DNAH11: variants seen among roughly 807,000 people sequenced by gnomAD.
The protein encoded by DNAH11 is dynein axonemal heavy chain 11, also known as axonemal beta dynein heavy chain 11.
In DNAH11, 442 loss-of-function variants were observed where a neutral mutation model predicts 526.0. The ratio of observed to expected loss-of-function variants is 0.84; its 90% CI spans 0.78 to 0.91. The LOEUF (loss-of-function observed/expected upper bound fraction) is 0.91. DNAH11 is among the 40% of genes least tolerant of loss of function. The pLI is 0.00. For synonymous variants in DNAH11, 2,461 were observed against 1,935.9 expected (o/e 1.27, Z -7.12); for missense variants, 6,989 against 5,448.7 (o/e 1.28, Z -8.90).
At chr7:21,677,978 T>A (rs1318497001) in intron 30 of DNAH11, among the ~76,000 whole-genome samples, 3 of 152,190 alleles carry the variant, frequency 2.0e-5, no homozygotes, top group Non-Finnish European at 4.4e-5. Context: ...TAATTCCTTA[T>A]CAGATATATT....
At chr7:21,741,249 A>G (rs1274302966) in intron 48 of DNAH11, among the ~76,000 whole-genome samples, 1 of 152,122 alleles carries the variant, frequency 6.6e-6, no homozygotes, top group Non-Finnish European at 1.5e-5. Flanking sequence ...TATGCATTTA[A>G]GATTTCTCCA....
At chr7:21,615,870 T>C (rs1295623397) in intron 21 of DNAH11, among the ~76,000 whole-genome samples, 1 of 152,172 alleles carries the variant, frequency 6.6e-6, no homozygotes, top group African/African-American at 2.4e-5. Flanking sequence ...TGAAAGCTTA[T>C]TTAGTTACAT....
chr7:21,799,004 G>C (rs1309910139), intron 61 of DNAH11, among the ~76,000 whole-genome samples: 3 of 151,830 alleles, frequency 2.0e-5, no homozygotes, highest in African/African-American at 7.3e-5. Context: ...GTGCCCTTTA[G>C]GGTTCTGAAT....
At chr7:21,855,278 G>A (rs150787594) in intron 68 of DNAH11, among the ~76,000 whole-genome samples, 223 of 152,116 alleles carry the variant, frequency 1.5e-3, no homozygotes, top group African/African-American at 5.0e-3. Flanking sequence ...TGATCTGCCC[G>A]CCTCAGCCTC....
At chr7:21,743,383 T>C (rs1331480616) in intron 49 of DNAH11, among the ~76,000 whole-genome samples, 1 of 152,230 alleles carries the variant, frequency 6.6e-6, no homozygotes, top group Non-Finnish European at 1.5e-5. Flanking sequence ...GGACAGTGTT[T>C]ATGTATTTGA....
intron 29 of DNAH11, among the ~76,000 whole-genome samples, chr7:21,657,494 C>T (rs536946929): frequency 7.9e-5 from 12 of 152,248 alleles, no homozygotes; most frequent in South Asian, 2.1e-4. Flanking sequence ...GTCATCTGTA[C>T]GTGAGCTGAC....
chr7:21,873,174 C>A, intron 73 of DNAH11, 100 bp from the exon 74 acceptor site: 1 of 1,059,520 alleles, frequency 9.4e-7, no homozygotes, highest in Non-Finnish European at 1.4e-6. Flanking sequence ...AATCATGGTT[C>A]TCTGAGTTTT....
At chr7:21,688,119 T>A (rs1052141630) in intron 34 of DNAH11, among the ~76,000 whole-genome samples, 4 of 152,152 alleles carry the variant, frequency 2.6e-5, no homozygotes, top group African/African-American at 9.7e-5. Context: ...TCAGTCCTCA[T>A]CTTTCTTGAC....
intron 66 of DNAH11, chr7:21,851,210 G>A (rs1782619637): frequency 5.0e-6 from 1 of 200,666 alleles, no homozygotes; most frequent in Non-Finnish European, 1.0e-5. Flanking sequence ...TAGTGAGTGA[G>A]TTCTCATAAG....
chr7:21,852,777 T>C, intron 67 of DNAH11, 146 bp downstream of exon 67: 1 of 766,588 alleles, frequency 1.3e-6, no homozygotes, highest in East Asian at 2.9e-5. Context: ...AGTTGGACTG[T>C]GTGGGATTGT....
At chr7:21,572,678 G>T (rs1348244586) in intron 8 of DNAH11, among the ~76,000 whole-genome samples, 2 of 152,106 alleles carry the variant, frequency 1.3e-5, no homozygotes, top group Admixed American at 6.6e-5. Context: ...GTTTATATTT[G>T]GCCAAACAAT....
intron 76 of DNAH11, among the ~76,000 whole-genome samples, chr7:21,891,169 G>A (rs1487579001): frequency 1.3e-5 from 2 of 152,138 alleles, no homozygotes; most frequent in South Asian, 2.1e-4. Context: ...TTGTTGTAGT[G>A]TACTGGGTGG....
Position 21,773,956 on chromosome 7 carries a change from G to T in DNAH11, c.9293G>T (p.Arg3098Leu), listed in dbSNP as rs769447200. The T allele has an allele frequency of 6.3e-7, 1 of 1,583,494 alleles. No individual in the cohort carries two copies. Among genetic ancestry groups the T allele is most frequent in the Non-Finnish European group, 8.6e-7 (1 of 1,164,886 alleles). ...KQNEVSEKKE[R>L]LVNGIQKLKT... ...AATGAGGTATCCGAGAAAAAAGAAC[G>T]CCTGGTGAACGGCATCCAAAAGCTA... Residue 3098 changes from arginine to leucine, a missense_variant, in exon 56 of 82, where the codon CGC (arginine) becomes CTC (leucine). Transcript: ENST00000409508.
intron 66 of DNAH11, chr7:21,851,776 C>T (rs1042257035): frequency 2.4e-6 from 1 of 416,814 alleles, no homozygotes; most frequent in Non-Finnish European, 4.9e-6. Flanking sequence ...GGCAATTTGT[C>T]CTGTGACCTC....
At chr7:21,801,612 T>G (rs531388607) in intron 62 of DNAH11, among the ~76,000 whole-genome samples, 1 of 152,224 alleles carries the variant, frequency 6.6e-6, no homozygotes, top group Non-Finnish European at 1.5e-5. Flanking sequence ...TTTTCTACTT[T>G]CTCTCTTCCT....
chr7:21,817,519 CAAAAAAAAAAAA>C (rs10532841), intron 64 of DNAH11, among the ~76,000 whole-genome samples: 4 of 86,432 alleles, frequency 4.6e-5, no homozygotes, highest in Admixed American at 2.7e-4. Flanking sequence ...CCATCTCTAC[CAAAAAAAAAAAA>C]AAAAAAAAAA....
At chr7:21,573,179 C>A (rs763885752) in intron 8 of DNAH11, among the ~76,000 whole-genome samples, 1 of 152,166 alleles carries the variant, frequency 6.6e-6, no homozygotes, top group Non-Finnish European at 1.5e-5. Context: ...GCCAAAGGTC[C>A]TGATTTTACT....
chr7:21,616,434 A>C (rs1583531960), intron 22 of DNAH11, 142 bp downstream of exon 22: 2 of 590,696 alleles, frequency 3.4e-6, no homozygotes. Context: ...TGTTTTTTTC[A>C]CCCTTAGCCA....
intron 43 of DNAH11, among the ~76,000 whole-genome samples, chr7:21,719,329 G>A (rs904409731): frequency 4.6e-5 from 7 of 152,146 alleles, no homozygotes; most frequent in South Asian, 2.1e-4. Flanking sequence ...GATATATGAC[G>A]CCTCTTTAAG....
Sources: allele counts gnomAD v4.1 joint callset (sites outside exome capture counted in the v4.1 genomes callset), GRCh38; gene constraint gnomAD v4.1.1; transcripts MANE v1.5; gene names NCBI Gene and HGNC (gene_info 2026-07-23, HGNC 2026-07-21).